Variants in CNR1 observed in about 807,000 individuals in gnomAD.
CNR1 encodes cannabinoid receptor 1, also known as cannabinoid receptor 1 (brain).
Under a neutral mutation model 23.0 loss-of-function variants are expected in CNR1, and 10 were observed. The observed-to-expected ratio is 0.43, with a 90% CI of 0.27 to 0.74. The LOEUF is 0.74. Ranked by LOEUF, CNR1 falls within the 30% of genes least tolerant of loss-of-function variation. The pLI is 0.19. For synonymous variants in CNR1, 271 were observed against 255.2 expected, an observed-to-expected ratio of 1.06 and a Z score of -0.59; for missense variants, 422 against 618.8, an observed-to-expected ratio of 0.68 and a Z score of 3.37.
At position 88,143,811 on chromosome 6, in the gene CNR1, T is replaced by G. The variant is rs772744225; in HGVS notation, c.*45A>C. Reference sequence around the variant, plus strand: ...AATAGACTCTTCTAGATTTTGAGCTTAAAAAAAAAAATTCTTTTCCTGTGC... The same window carrying G: ...AATAGACTCTTCTAGATTTTGAGCTGAAAAAAAAAAATTCTTTTCCTGTGC... On this transcript the variant is annotated 3_prime_UTR_variant, in exon 2 of 2. Coordinates refer to ENST00000369501, the MANE Select transcript of CNR1 (RefSeq NM_016083.6). 1.9e-5 allele frequency: 24 copies of G among 1,234,348 alleles called. No homozygotes were observed. The Admixed American group carries it at 5.5e-4, about 28-fold the overall frequency. 76.5% of individuals were successfully genotyped at this position (1,234,348 alleles called of 1,614,324 possible).
At chr6:88,164,593 GA>G (rs1397793556) in intron 1 of CNR1, among the ~76,000 whole-genome samples, 3 of 151,858 alleles carry the variant, frequency 2.0e-5, no homozygotes, top group Non-Finnish European at 4.4e-5. Context: ...GAGTACCAGG[GA>G]AAAAAAGGAC....
upstream of CNR1, among the ~76,000 whole-genome samples, chr6:88,166,768 C>A (rs1280443854): frequency 2.0e-5 from 3 of 150,286 alleles, no homozygotes; most frequent in Non-Finnish European, 4.5e-5. Flanking sequence ...CCGCGGGGGT[C>A]ACGTCTGGGG....
At chr6:88,166,516 C>A (rs981734953), upstream of CNR1, among the ~76,000 whole-genome samples, 1 of 152,066 alleles carries the variant, frequency 6.6e-6, no homozygotes, top group Non-Finnish European at 1.5e-5. Context: ...GGCGGGGGAC[C>A]CGCCGCGGCG....
intron 1 of CNR1, among the ~76,000 whole-genome samples, chr6:88,150,320 C>T (rs1322171626): frequency 6.6e-6 from 1 of 152,234 alleles, no homozygotes; most frequent in African/African-American, 2.4e-5. Flanking sequence ...GTCAATCTCT[C>T]TCATCCCTAT....
chr6:88,145,636 G>T (rs1777140765), intron 1 of CNR1, among the ~76,000 whole-genome samples: 1 of 152,224 alleles, frequency 6.6e-6, no homozygotes, highest in Non-Finnish European at 1.5e-5. Context: ...CAAGAAGACT[G>T]AACTAAATGA....
At chr6:88,154,417 G>A (rs1268826442) in intron 1 of CNR1, among the ~76,000 whole-genome samples, 1 of 152,130 alleles carries the variant, frequency 6.6e-6, no homozygotes, top group Non-Finnish European at 1.5e-5. Context: ...AAAGCCTCTT[G>A]AATTAATGAT....
At chr6:88,158,799 A>G (rs1037316363) in intron 1 of CNR1, among the ~76,000 whole-genome samples, 3 of 152,210 alleles carry the variant, frequency 2.0e-5, no homozygotes, top group African/African-American at 7.2e-5. Flanking sequence ...AGATCATTGA[A>G]ACAGATTGCT....
In CNR1 at chr6:88,141,740, C is replaced by G. The variant is rs1490206708; in HGVS notation, c.*2116G>C. 1 of 152,374 alleles carries G rather than the reference C, an allele frequency of 6.6e-6. No individual in the cohort carries two copies. The highest frequency in any genetic ancestry group is 1.9e-4 in the East Asian group (1 of 5,338). The allele number at this position is 152,374 out of a possible 1,614,324, so 9.4% of individuals were successfully genotyped here. A position where few individuals can be genotyped will look rare whatever the true frequency, so the allele number is the denominator to read the frequency against. On this transcript the variant is annotated 3_prime_UTR_variant, in exon 2 of 2. Coordinates refer to ENST00000369501, the MANE Select transcript of CNR1 (RefSeq NM_016083.6). ...AAGTAAGGGAGCCAGCAGGCAGATT[C>G]AAGGTGTGCAGACAGACAATGCAAA...
intron 1 of CNR1, among the ~76,000 whole-genome samples, chr6:88,155,188 C>T (rs1309384776): frequency 6.6e-6 from 1 of 152,176 alleles, no homozygotes; most frequent in Non-Finnish European, 1.5e-5. Context: ...TCAGTGAAGG[C>T]ATATTTTCTC....
chr6:88,161,854 G>C (rs900126630), intron 1 of CNR1, among the ~76,000 whole-genome samples: 2 of 152,168 alleles, frequency 1.3e-5, no homozygotes. Flanking sequence ...TAACTCACTT[G>C]TGGTAACGTT....
chr6:88,150,678 A>AGTCACT (rs1297020249), intron 1 of CNR1, among the ~76,000 whole-genome samples: 2 of 152,204 alleles, frequency 1.3e-5, no homozygotes, highest in Non-Finnish European at 2.9e-5. Context: ...TCACTCAGCA[A>AGTCACT]GTCACTCAGG....
chr6:88,157,005 CACAGATCAGGTATTT>C (rs1777837261), intron 1 of CNR1, among the ~76,000 whole-genome samples: 1 of 152,152 alleles, frequency 6.6e-6, no homozygotes, highest in South Asian at 2.1e-4. Flanking sequence ...AAGTTATGGG[CACAGATCAGGTATTT>C]ACTTTTTATT....
At chr6:88,149,916 T>G (rs1390363395) in intron 1 of CNR1, among the ~76,000 whole-genome samples, 7 of 152,222 alleles carry the variant, frequency 4.6e-5, no homozygotes, top group Non-Finnish European at 8.8e-5. Context: ...TTAAGTGGTT[T>G]ACCAGCCTGA....
chr6:88,166,617 G>A (rs1562521761), upstream of CNR1, among the ~76,000 whole-genome samples: 1 of 152,144 alleles, frequency 6.6e-6, no homozygotes, highest in Non-Finnish European at 1.5e-5. Context: ...CGCTCCCGGA[G>A]GCCCCCGCTG....
chr6:88,145,544 A>G (rs1777136610), intron 1 of CNR1, among the ~76,000 whole-genome samples: 1 of 152,262 alleles, frequency 6.6e-6, no homozygotes, highest in Non-Finnish European at 1.5e-5. Context: ...GGCGTGGCAC[A>G]TGCCAGAAAT....
At position 88,143,202 on chromosome 6, in the gene CNR1, C is replaced by T. The variant is rs548126675; in HGVS notation, c.*654G>A. 6.6e-6 allele frequency: 1 copy of T among 152,388 alleles called. No individual in the cohort carries two copies. Among genetic ancestry groups the T allele is most frequent in the East Asian group, 1.9e-4 (1 of 5,328 alleles). 9.4% of individuals were successfully genotyped at this position (152,388 alleles called of 1,614,324 possible). A position where few individuals can be genotyped will look rare whatever the true frequency, so the allele number is the denominator to read the frequency against. On this transcript the variant is annotated 3_prime_UTR_variant, in exon 2 of 2. Transcript: ENST00000369501. Reference sequence around the variant, plus strand: ...CTTGTTGAGGTAACAGAAAAATAAACCTTTACGGTTATTTCAGTGTCAAAA... The same window carrying T: ...CTTGTTGAGGTAACAGAAAAATAAATCTTTACGGTTATTTCAGTGTCAAAA...
chr6:88,151,844 GA>G (rs1376110752), intron 1 of CNR1, among the ~76,000 whole-genome samples: 7 of 151,992 alleles, frequency 4.6e-5, no homozygotes, highest in Non-Finnish European at 1.0e-4. Flanking sequence ...AGCCATTTGA[GA>G]AACTTTACAT....
chr6:88,161,419 C>T (rs1778100194), intron 1 of CNR1, among the ~76,000 whole-genome samples: 1 of 152,164 alleles, frequency 6.6e-6, no homozygotes, highest in African/African-American at 2.4e-5. Context: ...TTAGCTTAAC[C>T]TGTCCAAGTG....
At chr6:88,166,717 T>G (rs531820196), upstream of CNR1, among the ~76,000 whole-genome samples, 3 of 151,988 alleles carry the variant, frequency 2.0e-5, no homozygotes, top group Admixed American at 2.0e-4. Context: ...CTCGGGGCCA[T>G]TAATCACACG....
Sources: allele counts gnomAD v4.1 joint callset (sites outside exome capture counted in the v4.1 genomes callset), GRCh38; gene constraint gnomAD v4.1.1; transcripts MANE v1.5; gene names NCBI Gene and HGNC (gene_info 2026-07-23, HGNC 2026-07-21).